MYO7B: variants seen among roughly 807,000 people sequenced by gnomAD.
MYO7B encodes myosin VIIB.
A neutral mutation model predicts 259.7 loss-of-function variants in MYO7B; 212 were observed. The ratio of observed to expected loss-of-function variants is 0.82; its 90% CI spans 0.73 to 0.91. The LOEUF (loss-of-function observed/expected upper bound fraction) is 0.91. Ranked by LOEUF, MYO7B falls within the 40% of genes least tolerant of loss-of-function variation. The probability of loss-of-function intolerance (pLI) is 0.00; values close to 1 mark genes in which losing one functional copy is unlikely to be tolerated. For synonymous variants in MYO7B, 1,197 were observed against 1,166.4 expected (o/e 1.03, Z -0.54); for missense variants, 2,732 against 2,813.5 (o/e 0.97, Z 0.66).
Position 127,615,624 on chromosome 2 carries a change from C to T in MYO7B, c.3398+3021C>T, listed in dbSNP as rs936727466. 5.3e-5 allele frequency among the ~76,000 whole-genome samples: 8 copies of T among 152,010 alleles called. No homozygotes were observed. Among genetic ancestry groups the T allele is most frequent in the East Asian group, 1.9e-4 (1 of 5,186 alleles). ...TCACAAGAAACACTTGTGCCTGGGTCGTGACTGCCCTCAGCATTCCTTCTG... is the reference window on the plus strand; with the variant it reads ...TCACAAGAAACACTTGTGCCTGGGTTGTGACTGCCCTCAGCATTCCTTCTG... On this transcript the variant is annotated intron_variant, in intron 26 of 47. Coordinates refer to ENST00000409816, the MANE Select transcript of MYO7B (RefSeq NM_001393586.1). The surrounding 1 kb of genome is among the most constrained non-coding windows in gnomAD (Gnocchi z 4.4).
intron 19 of MYO7B, among the ~76,000 whole-genome samples, chr2:127,605,094 G>T (rs1273493862): frequency 6.6e-6 from 1 of 152,194 alleles, no homozygotes; most frequent in African/African-American, 2.4e-5. Context: ...ATAAACTGAG[G>T]CATGCCTGCA....
At chr2:127,552,416 A>T (rs1693478956) in intron 1 of MYO7B, among the ~76,000 whole-genome samples, 1 of 151,896 alleles carries the variant, frequency 6.6e-6, no homozygotes, top group Non-Finnish European at 1.5e-5. Context: ...TGCTCATGGG[A>T]CCCAGCTGGG....
intron 2 of MYO7B, among the ~76,000 whole-genome samples, chr2:127,560,850 C>T (rs759154077): frequency 6.6e-6 from 1 of 152,214 alleles, no homozygotes; most frequent in Non-Finnish European, 1.5e-5. Flanking sequence ...CACACTGCTG[C>T]GAGGAGGACC....
Position 127,628,134 on chromosome 2 carries a change from C to T in MYO7B, c.4461-238C>T. 1.5e-6 allele frequency: 1 copy of T among 665,596 alleles called. No individual in the cohort carries two copies. Among genetic ancestry groups the T allele is most frequent in the Non-Finnish European group, 2.8e-6 (1 of 362,742 alleles). 41.2% of individuals were successfully genotyped at this position (665,596 alleles called of 1,614,324 possible). ...TGCACACCAGCCACCTCATTATCTG[C>T]CCACAGCCAACCCCACACATGGGCT... is the stretch of plus-strand genomic sequence containing the variant. On this transcript the variant is annotated intron_variant, in intron 33 of 47. Coordinates refer to ENST00000409816, the MANE Select transcript of MYO7B (RefSeq NM_001393586.1). This position sits in a 1 kb window ranked among gnomAD's most constrained non-coding sequence, Gnocchi z 4.8.
Position 127,559,882 on chromosome 2 carries a change from G to C in MYO7B, c.18+142G>C. ...ACAGGGGAGTTTAGGAAACACGACA[G>C]ATTCTAGCATCTAAAGAAAACAAGT... On this transcript the variant is annotated intron_variant, in intron 2 of 47. Coordinates refer to ENST00000409816, the MANE Select transcript of MYO7B (RefSeq NM_001393586.1). This position sits in a 1 kb window ranked among gnomAD's most constrained non-coding sequence, Gnocchi z 4.1. 2.0e-6 allele frequency: 2 copies of C among 996,238 alleles called. No individual in the cohort carries two copies. The highest frequency in any genetic ancestry group is 1.4e-5 in the South Asian group (1 of 73,418). 61.7% of individuals were successfully genotyped at this position (996,238 alleles called of 1,614,324 possible). A position where few individuals can be genotyped will look rare whatever the true frequency, so the allele number is the denominator to read the frequency against.
chr2:127,602,241 T>C (rs902619992), intron 19 of MYO7B, among the ~76,000 whole-genome samples: 3 of 152,374 alleles, frequency 2.0e-5, no homozygotes, highest in East Asian at 3.9e-4. Context: ...ACCGCTGTCA[T>C]CATTTTACCA....
At position 127,559,695 on chromosome 2, in the gene MYO7B, T is replaced by C. The variant is rs774071718; in HGVS notation, c.-23-5T>C. The C allele has an allele frequency of 6.8e-6, 11 of 1,613,932 alleles. No homozygotes were observed. In the East Asian group the frequency reaches 1.3e-4, roughly 20 times the overall value. On this transcript the variant is annotated splice_polypyrimidine_tract_variant and splice_region_variant and intron_variant, in intron 1 of 47. Transcript: ENST00000409816. The surrounding 1 kb of genome is among the most constrained non-coding windows in gnomAD (Gnocchi z 4.1). ...GCTGACGTTCTGCTTTCTCTCTCCA[T>C]ACAGGCTTGTGGAACTGCTGACTCA...
intron 26 of MYO7B, among the ~76,000 whole-genome samples, chr2:127,618,732 C>A (rs1303886600): frequency 1.3e-5 from 2 of 152,190 alleles, no homozygotes; most frequent in African/African-American, 4.8e-5. Context: ...ATTGTTGGGG[C>A]ATGGAGCTTG....
At chr2:127,536,888 G>T (rs921531327) in intron 1 of MYO7B, among the ~76,000 whole-genome samples, 10 of 152,318 alleles carry the variant, frequency 6.6e-5, no homozygotes, top group Admixed American at 5.9e-4. Flanking sequence ...ACCTCTAAGA[G>T]AATCCTCCCC....
rs192962355 is a variant in MYO7B, at chr2:127,633,193, G to C, written c.5406-65G>C. 9.3e-5 allele frequency: 119 copies of C among 1,279,174 alleles called. No homozygotes were observed. In the South Asian group the frequency reaches 1.4e-3, roughly 16 times the overall value. 79.2% of individuals were successfully genotyped at this position (1,279,174 alleles called of 1,614,324 possible). On this transcript the variant is annotated intron_variant, in intron 39 of 47. Transcript: ENST00000409816. ...TGGCACATGGTTTAGGGCCCACATC[G>C]GGGCTGGGGCATGGGTGAGGATGAG...
intron 2 of MYO7B, among the ~76,000 whole-genome samples, chr2:127,560,397 T>G (rs978267720): frequency 3.9e-5 from 6 of 152,068 alleles, no homozygotes; most frequent in African/African-American, 1.4e-4. Flanking sequence ...TGGGGAACTG[T>G]GGGCATGGGT....
At chr2:127,566,579 C>T in intron 4 of MYO7B, 64 bp from the exon 5 acceptor site, 2 of 1,450,270 alleles carry the variant, frequency 1.4e-6, no homozygotes, top group Non-Finnish European at 1.8e-6. Context: ...AAGGCCAAGG[C>T]CAAGGCCAGG....
intron 34 of MYO7B, among the ~76,000 whole-genome samples, 199 bp from the exon 35 acceptor site, chr2:127,629,446 T>C (rs1403758161): frequency 6.6e-6 from 1 of 152,102 alleles, no homozygotes; most frequent in Non-Finnish European, 1.5e-5. Context: ...CCCTGGGCTC[T>C]GTGCCTGTGC....
chr2:127,576,777 C>T lies in MYO7B; in HGVS notation c.849+69C>T. 1 of 1,155,514 alleles carries T rather than the reference C, an allele frequency of 8.7e-7. No individual in the cohort carries two copies. Among genetic ancestry groups the T allele is most frequent in the South Asian group, 1.4e-5 (1 of 70,686 alleles). The allele number at this position is 1,155,514 out of a possible 1,614,324, so 71.6% of individuals were successfully genotyped here. A position where few individuals can be genotyped will look rare whatever the true frequency, so the allele number is the denominator to read the frequency against. On this transcript the variant is annotated intron_variant, in intron 8 of 47. Coordinates refer to ENST00000409816, the MANE Select transcript of MYO7B (RefSeq NM_001393586.1). This position sits in a 1 kb window ranked among gnomAD's most constrained non-coding sequence, Gnocchi z 4.9. Reference sequence around the variant, plus strand: ...GGAAAAAGAGCTTGTGCCGCTCCACCCTCCGCGACAGCTGCAGAGAAGCCC... The same window carrying T: ...GGAAAAAGAGCTTGTGCCGCTCCACTCTCCGCGACAGCTGCAGAGAAGCCC...
At chr2:127,605,304 A>C (rs1189208861) in intron 19 of MYO7B, among the ~76,000 whole-genome samples, 3 of 152,214 alleles carry the variant, frequency 2.0e-5, no homozygotes, top group Non-Finnish European at 2.9e-5. Flanking sequence ...ACTTAAAAAA[A>C]CTGGACTGTT....
At chr2:127,540,443 C>T (rs1004476688) in intron 1 of MYO7B, among the ~76,000 whole-genome samples, 4 of 152,178 alleles carry the variant, frequency 2.6e-5, no homozygotes, top group Admixed American at 2.6e-4. Flanking sequence ...GGATTACAGG[C>T]GTGAGCCACC....
rs1047601226 is a variant in MYO7B at position 127,614,153 on chromosome 2, G to C, written c.3398+1550G>C. On this transcript the variant is annotated intron_variant, in intron 26 of 47. Coordinates refer to ENST00000409816, the MANE Select transcript of MYO7B (RefSeq NM_001393586.1). This position sits in a 1 kb window ranked among gnomAD's most constrained non-coding sequence, Gnocchi z 4.6. ...TGGCAGACACATAAAAGCTATATTC[G>C]AATGATGTGTACTTTGGGTTCTTCA... 6.6e-6 allele frequency among the ~76,000 whole-genome samples: 1 copy of C among 152,238 alleles called. No homozygotes were observed. The highest frequency in any genetic ancestry group is 2.1e-4 in the South Asian group (1 of 4,810).
At position 127,585,880 on chromosome 2, in the gene MYO7B, G is replaced by C. The variant is rs1318798692; in HGVS notation, c.1690+967G>C. On this transcript the variant is annotated intron_variant, in intron 14 of 47. Transcript: ENST00000409816. This position sits in a 1 kb window ranked among gnomAD's most constrained non-coding sequence, Gnocchi z 4.3. Reference sequence around the variant, plus strand: ...GGCCATTTGCACGTCTTCTTTGGAGGGATGTCTATTTAAATGCTCTGCCTG... The same window carrying C: ...GGCCATTTGCACGTCTTCTTTGGAGCGATGTCTATTTAAATGCTCTGCCTG... 2.0e-5 allele frequency among the ~76,000 whole-genome samples: 3 copies of C among 152,136 alleles called. No homozygotes were observed. Among genetic ancestry groups the C allele is most frequent in the Non-Finnish European group, 4.4e-5 (3 of 68,030 alleles).
intron 35 of MYO7B, 150 bp from the exon 36 acceptor site, chr2:127,630,628 C>G (rs1444428127): frequency 5.7e-6 from 6 of 1,049,700 alleles, no homozygotes; most frequent in Non-Finnish European, 8.2e-6. Flanking sequence ...GGTCACACGG[C>G]AGGTGACAGG....
Sources: gnomAD v4.1 joint callset for allele counts (sites outside exome capture counted in the v4.1 genomes callset) on GRCh38, gnomAD v4.1.1 for gene constraint, Gnocchi (gnomAD v3.1) non-coding constraint, MANE v1.5 for transcripts, NCBI Gene and HGNC (gene_info 2026-07-23, HGNC 2026-07-21) for gene names.